The following SGSM1 variants were observed in gnomAD, a reference collection of about 807,000 sequenced individuals.
SGSM1 encodes the protein small G protein signaling modulator 1.
SGSM1 carries 73 observed loss-of-function variants against 133.8 expected under a neutral mutation model. The ratio of observed to expected loss-of-function variants is 0.55; its 90% CI spans 0.45 to 0.66. The LOEUF is 0.66. Ranked by LOEUF, SGSM1 falls within the 30% of genes least tolerant of loss-of-function variation. The pLI is 0.00. For missense variants in SGSM1, 1,213 were observed against 1,448.1 expected, an observed-to-expected ratio of 0.84 and a Z score of 2.64; for synonymous variants, 563 against 573.0, an observed-to-expected ratio of 0.98 and a Z score of 0.25.
In SGSM1 at chr22:24,914,286, C is replaced by G. The variant is rs1933738183; in HGVS notation, c.2928+1534C>G. ...CCAGCCTGGGCGACAGAGCAAGACT[C>G]CATCTCAAAAAAAAAAAAAAAAAAG... On this transcript the variant is annotated intron_variant, in intron 22 of 24. Transcript: ENST00000400358. 7.8e-5 allele frequency among the ~76,000 whole-genome samples: 9 copies of G among 115,902 alleles called. No individual in the cohort carries two copies. The Admixed American group carries it at 9.1e-4, about 12-fold the overall frequency. 76.0% of individuals were successfully genotyped at this position (115,902 alleles called of 152,430 possible).
intron 13 of SGSM1, among the ~76,000 whole-genome samples, chr22:24,877,309 G>A (rs1422395031): frequency 5.3e-5 from 8 of 152,174 alleles, no homozygotes; most frequent in Non-Finnish European, 1.2e-4. Flanking sequence ...ATATGGCTGT[G>A]GTAAGGACCA....
In SGSM1 at chr22:24,816,417, CTTTTTTT is replaced by C. The variant is rs3062145; in HGVS notation, c.63+9943_63+9949del. On this transcript the variant is annotated intron_variant, in intron 2 of 24. Coordinates refer to ENST00000400358, the MANE Select transcript of SGSM1 (RefSeq NM_001098497.3). ...AAAAATTGATTTCTTTTTTTTCTTT[CTTTTTTT>C]TTTTTTTTTGAGATGGTGTCTCGCT... Among the ~76,000 whole-genome samples the C allele has an allele frequency of 5.4e-5, 7 of 130,096 alleles. No homozygotes were observed. In the East Asian group the frequency reaches 1.6e-3, roughly 30 times the overall value. 85.3% of individuals were successfully genotyped at this position (130,096 alleles called of 152,430 possible).
At chr22:24,827,454 G>A (rs1368122054) in intron 2 of SGSM1, among the ~76,000 whole-genome samples, 1 of 152,082 alleles carries the variant, frequency 6.6e-6, no homozygotes, top group East Asian at 1.9e-4. Context: ...GGTGGGGCAG[G>A]TGCTCAGAGG....
In SGSM1 at chr22:24,925,551, T is replaced by C. The variant is rs1170676980; in HGVS notation, c.*1277T>C. The C allele has an allele frequency of 1.3e-5, 2 of 152,170 alleles. No individual in the cohort carries two copies. Among genetic ancestry groups the C allele is most frequent in the Non-Finnish European group, 1.5e-5 (1 of 68,036 alleles). 9.4% of individuals were successfully genotyped at this position (152,170 alleles called of 1,614,324 possible). ...GTAGGCATGAGACGGTCAGAGCTCTTTGGGGTCCTGCTCAGAGTCCCCCAG... is the reference window on the plus strand; with the variant it reads ...GTAGGCATGAGACGGTCAGAGCTCTCTGGGGTCCTGCTCAGAGTCCCCCAG... On this transcript the variant is annotated 3_prime_UTR_variant, in exon 25 of 25. Transcript: ENST00000400358.
chr22:24,868,464 G>T lies in SGSM1; in HGVS notation c.1083G>T (p.Gln361His). The part of the protein sequence containing the change: ...FRFPKGGHLL[Q>H]FLSCLENGLL... Reference sequence around the variant, plus strand: ...TCCCCAAGGGCGGGCACCTCCTGCAGTTCCTCTCGTGCCTGGAGAATGGGC... The same window carrying T: ...TCCCCAAGGGCGGGCACCTCCTGCATTTCCTCTCGTGCCTGGAGAATGGGC... The change falls in exon 11 of 25, where the codon CAG becomes CAT. Residue 361 changes from glutamine to histidine, a missense_variant. Transcript: ENST00000400358. The T allele has an allele frequency of 6.2e-7, 1 of 1,613,912 alleles. No homozygotes were observed. Among genetic ancestry groups the T allele is most frequent in the Non-Finnish European group, 8.5e-7 (1 of 1,179,884 alleles).
At position 24,844,932 on chromosome 22, in the gene SGSM1, G is replaced by A; in HGVS notation, c.99G>A (p.Lys33=). The A allele has an allele frequency of 1.9e-6, 3 of 1,613,852 alleles. No homozygotes were observed. Among genetic ancestry groups the A allele is most frequent in the Non-Finnish European group, 2.5e-6 (3 of 1,179,864 alleles). ...TCATGGAGGAGGCTGTGACACGCAA[G>A]TTTGTCCACGAAGACAGCAGCCACA... The part of the protein sequence containing the change: ...KQIMEEAVTR[K]FVHEDSSHII... Residue 33 remains lysine, a synonymous_variant, in exon 3 of 25, where the codon AAG becomes AAA. Coordinates refer to ENST00000400358, the MANE Select transcript of SGSM1 (RefSeq NM_001098497.3).
At chr22:24,824,555 T>C (rs1046908400) in intron 2 of SGSM1, among the ~76,000 whole-genome samples, 1 of 152,006 alleles carries the variant, frequency 6.6e-6, no homozygotes, top group Non-Finnish European at 1.5e-5. Flanking sequence ...CTAATAGATT[T>C]AAAAATTAAA....
chr22:24,838,392 A>C (rs1420096193), intron 2 of SGSM1, among the ~76,000 whole-genome samples: 1 of 152,220 alleles, frequency 6.6e-6, no homozygotes, highest in Admixed American at 6.5e-5. Flanking sequence ...GAAATGCAAC[A>C]ATGTGTAAGA....
intron 2 of SGSM1, 182 bp from the exon 3 acceptor site, chr22:24,844,715 G>A: frequency 3.5e-6 from 2 of 576,896 alleles, no homozygotes; most frequent in Non-Finnish European, 6.2e-6. Flanking sequence ...GAAGCATGGA[G>A]CTGTGACAGG....
chr22:24,840,997 CCCA>C (rs1308517347), intron 2 of SGSM1, among the ~76,000 whole-genome samples: 5 of 152,080 alleles, frequency 3.3e-5, no homozygotes, highest in Non-Finnish European at 5.9e-5. Flanking sequence ...ACTACAGGCG[CCCA>C]CCACCACGCC....
intron 2 of SGSM1, among the ~76,000 whole-genome samples, chr22:24,832,146 C>A (rs1929156364): frequency 6.6e-6 from 1 of 152,220 alleles, no homozygotes; most frequent in Non-Finnish European, 1.5e-5. Flanking sequence ...ATCCCTAGAT[C>A]TGGGTCAGTG....
intron 8 of SGSM1, among the ~76,000 whole-genome samples, chr22:24,857,729 A>T (rs1479865552): frequency 6.6e-6 from 1 of 152,198 alleles, no homozygotes; most frequent in African/African-American, 2.4e-5. Flanking sequence ...CAAGAGAAGG[A>T]GTTAACAATC....
intron 19 of SGSM1, among the ~76,000 whole-genome samples, chr22:24,900,377 T>TTCTTTCTTTCTTTCTTTCTTTCTTTC (rs1569170904): frequency 7.3e-5 from 5 of 68,308 alleles, no homozygotes; most frequent in African/African-American, 3.1e-4. Context: ...CTTTCTTTCT[T>TTCTTTCTTTCTTTCTTTCTTTCTTTC]TCTTTCTTTC....
rs368649968 is a variant in SGSM1 at position 24,905,092 on chromosome 22, G to T, written c.2736-13G>T. ...CCACGGCTGCCATCATTGGCCCCTT[G>T]TGTCTCTTCTAGCTACATCTGGCAG... On this transcript the variant is annotated splice_polypyrimidine_tract_variant and intron_variant, in intron 20 of 24. Transcript: ENST00000400358. 46 of 1,613,614 alleles carry T rather than the reference G, an allele frequency of 2.9e-5. No individual in the cohort carries two copies. Among genetic ancestry groups the T allele is most frequent in the African/African-American group, 4.0e-5 (3 of 74,912 alleles).
At chr22:24,903,133 C>T (rs1933223406) in intron 20 of SGSM1, among the ~76,000 whole-genome samples, 1 of 152,030 alleles carries the variant, frequency 6.6e-6, no homozygotes, top group African/African-American at 2.4e-5. Context: ...CAGTGCCACT[C>T]ACCCAGAATT....
chr22:24,810,743 G>T (rs1278330286), intron 2 of SGSM1, among the ~76,000 whole-genome samples: 3 of 152,124 alleles, frequency 2.0e-5, no homozygotes, highest in Non-Finnish European at 4.4e-5. Flanking sequence ...TTAGCTCTGC[G>T]ACCGGAGCTG....
At chr22:24,843,430 A>C (rs202174847) in intron 2 of SGSM1, 2 of 152,834 alleles carry the variant, frequency 1.3e-5, no homozygotes, top group Non-Finnish European at 2.9e-5. Context: ...AGATGGATGC[A>C]TGGATGTGCT....
At chr22:24,881,015 A>AC (rs1254950859) in intron 14 of SGSM1, among the ~76,000 whole-genome samples, 1 of 150,946 alleles carries the variant, frequency 6.6e-6, no homozygotes, top group Non-Finnish European at 1.5e-5. Flanking sequence ...ACATGGTGAA[A>AC]CCCCGTCTCT....
intron 2 of SGSM1, among the ~76,000 whole-genome samples, chr22:24,839,932 CTT>C (rs758631851): frequency 0.48 from 51,131 of 105,558 alleles, 10,257 homozygotes; most frequent in Non-Finnish European, 0.49. Context: ...AACCATCTCT[CTT>C]TTTTTTTTTT....
Sources: gnomAD v4.1 joint callset for allele counts (sites outside exome capture counted in the v4.1 genomes callset) on GRCh38, gnomAD v4.1.1 for gene constraint, MANE v1.5 for transcripts, NCBI Gene and HGNC (gene_info 2026-07-23, HGNC 2026-07-21) for gene names.